The following STARD13 variants were observed in gnomAD, a reference collection of about 807,000 sequenced individuals.
STARD13 encodes StAR related lipid transfer domain containing 13, also known as stAR-related lipid transfer protein 13.
Under a neutral mutation model 106.4 loss-of-function variants are expected in STARD13, and 62 were observed. That is an observed-to-expected ratio of 0.58 (90% confidence interval 0.48 to 0.72). STARD13 has a LOEUF of 0.72. STARD13 is among the 30% of genes least tolerant of loss of function. The pLI is 0.00. For missense variants in STARD13, 1,387 were observed against 1,424.0 expected, an observed-to-expected ratio of 0.97 and a Z score of 0.42; for synonymous variants, 565 against 553.0, an observed-to-expected ratio of 1.02 and a Z score of -0.31.
At chr13:33,172,400 G>C (rs1438708088) in intron 1 of STARD13, among the ~76,000 whole-genome samples, 2 of 151,162 alleles carry the variant, frequency 1.3e-5, no homozygotes, top group East Asian at 3.9e-4. Context: ...GGTGGAGAAG[G>C]CTGGAAGTCT....
At chr13:33,639,198 GT>G in the STARD13 span, among the ~76,000 whole-genome samples, 7 of 152,166 alleles carry the variant, frequency 4.6e-5, no homozygotes, top group Non-Finnish European at 1.0e-4. Flanking sequence ...GAGTTGGAGA[GT>G]TAACAGGAGG....
chr13:33,127,339 C>T (rs1877329481), intron 6 of STARD13, 34 bp downstream of exon 6: 14 of 1,524,306 alleles, frequency 9.2e-6, no homozygotes, highest in African/African-American at 1.4e-5. Flanking sequence ...GCTCTAGAGC[C>T]AAGGATCCCC....
chr13:33,453,257 T>C, the STARD13 span, among the ~76,000 whole-genome samples: 3 of 152,254 alleles, frequency 2.0e-5, no homozygotes, highest in African/African-American at 4.8e-5. Flanking sequence ...CAAAACATGC[T>C]ATGCTTCATA....
intron 1 of STARD13, among the ~76,000 whole-genome samples, chr13:33,274,246 G>A (rs1301271413): frequency 6.6e-6 from 1 of 152,034 alleles, no homozygotes; most frequent in Non-Finnish European, 1.5e-5. Flanking sequence ...CCTTAAAGAG[G>A]TCATTAAGAT....
the STARD13 span, among the ~76,000 whole-genome samples, chr13:33,670,904 T>C: frequency 1.1e-4 from 17 of 152,236 alleles, no homozygotes; most frequent in Non-Finnish European, 2.2e-4. Context: ...ATTTTGTCTA[T>C]TGCATTTCCT....
At chr13:33,591,438 AAG>A in the STARD13 span, among the ~76,000 whole-genome samples, 1 of 152,190 alleles carries the variant, frequency 6.6e-6, no homozygotes, top group African/African-American at 2.4e-5. Context: ...GCCATAATAT[AAG>A]TTCTTGTCTT....
At chr13:33,643,081 A>G in the STARD13 span, among the ~76,000 whole-genome samples, 16,475 of 151,988 alleles carry the variant, frequency 0.11, 1,974 homozygotes, top group African/African-American at 0.26. Flanking sequence ...GCATGCATGT[A>G]TAATACGAAA....
At chr13:33,396,535 G>A in the STARD13 span, among the ~76,000 whole-genome samples, 1 of 152,114 alleles carries the variant, frequency 6.6e-6, no homozygotes, top group South Asian at 2.1e-4. Flanking sequence ...AGCACACATA[G>A]TAAAGGAAAC....
At position 33,262,662 on chromosome 13, in the gene STARD13, A is replaced by ACAACACACACACACAC. The variant is rs5802678; in HGVS notation, c.169+22807_169+22808insGTGTGTGTGTGTGTTG. ...AACCCCCCCCCCCACACACACACAC[A>ACAACACACACACACAC]ACACACACACACACACACACACACA... On this transcript the variant is annotated intron_variant, in intron 1 of 13. Coordinates refer to ENST00000336934, the MANE Select transcript of STARD13 (RefSeq NM_178006.4). Among the ~76,000 whole-genome samples the ACAACACACACACACAC allele has an allele frequency of 9.3e-3, 1,066 of 114,972 alleles. 16 individuals are homozygous for ACAACACACACACACAC. The highest frequency in any genetic ancestry group is 0.033 in the African/African-American group (1,008 of 30,526). 75.4% of individuals were successfully genotyped at this position (114,972 alleles called of 152,430 possible). A position where few individuals can be genotyped will look rare whatever the true frequency, so the allele number is the denominator to read the frequency against.
At chr13:33,542,890 T>C in the STARD13 span, among the ~76,000 whole-genome samples, 2 of 152,060 alleles carry the variant, frequency 1.3e-5, no homozygotes, top group Admixed American at 6.5e-5. Flanking sequence ...CTCGGAACCT[T>C]CCAGAGAAAC....
upstream of STARD13, among the ~76,000 whole-genome samples, chr13:33,354,008 G>A (rs1406869116): frequency 1.3e-5 from 2 of 152,146 alleles, no homozygotes; most frequent in African/African-American, 4.8e-5. Context: ...TTCCCTTCCG[G>A]ATGGGTATCT....
the STARD13 span, among the ~76,000 whole-genome samples, chr13:33,360,453 C>G: frequency 6.6e-6 from 1 of 151,816 alleles, no homozygotes; most frequent in Admixed American, 6.6e-5. Flanking sequence ...ATCCACACAC[C>G]TCGGCCTCCC....
the STARD13 span, among the ~76,000 whole-genome samples, chr13:33,494,127 G>A: frequency 1.6e-3 from 246 of 152,286 alleles, 1 homozygote; most frequent in African/African-American, 5.6e-3. Context: ...CAGGTCTAGT[G>A]TAGAAGCAGA....
the STARD13 span, among the ~76,000 whole-genome samples, chr13:33,381,054 T>C: frequency 2.6e-5 from 4 of 152,188 alleles, no homozygotes; most frequent in Non-Finnish European, 5.9e-5. Flanking sequence ...TTTCTAATTT[T>C]AGATCACCTC....
the STARD13 span, among the ~76,000 whole-genome samples, chr13:33,619,625 T>C: frequency 6.6e-6 from 1 of 152,040 alleles, no homozygotes; most frequent in Non-Finnish European, 1.5e-5. Flanking sequence ...TTTAAAAGAA[T>C]ACTAAAAATT....
intron 12 of STARD13, among the ~76,000 whole-genome samples, chr13:33,107,906 C>T (rs1275086706): frequency 6.6e-6 from 1 of 152,138 alleles, no homozygotes; most frequent in Non-Finnish European, 1.5e-5. Flanking sequence ...AATTCTATTC[C>T]CTTACTAAGT....
intron 1 of STARD13, among the ~76,000 whole-genome samples, chr13:33,246,102 T>A (rs1038161878): frequency 6.6e-6 from 1 of 152,214 alleles, no homozygotes. Flanking sequence ...GGCAATTTTT[T>A]AATTCATTTT....
chr13:33,535,078 G>A, the STARD13 span, among the ~76,000 whole-genome samples: 1 of 152,080 alleles, frequency 6.6e-6, no homozygotes, highest in Non-Finnish European at 1.5e-5. Context: ...AGCCTGGTGT[G>A]GTTGTGCATG....
the STARD13 span, among the ~76,000 whole-genome samples, chr13:33,525,381 C>T: frequency 6.6e-6 from 1 of 152,012 alleles, no homozygotes; most frequent in South Asian, 2.1e-4. Context: ...AAACGATGTT[C>T]ATATAGAGCC....
Sources: allele counts gnomAD v4.1 joint callset (sites outside exome capture counted in the v4.1 genomes callset), GRCh38; gene constraint gnomAD v4.1.1; transcripts MANE v1.5; gene names NCBI Gene and HGNC (gene_info 2026-07-23, HGNC 2026-07-21).